The following DCAF6 variants were observed in gnomAD, a reference collection of about 807,000 sequenced individuals.
DCAF6 encodes DDB1- and CUL4-associated factor 6.
A neutral mutation model predicts 125.1 loss-of-function variants in DCAF6; 54 were observed. That is an observed-to-expected ratio of 0.43 (90% CI 0.35 to 0.54). The LOEUF (loss-of-function observed/expected upper bound fraction) is 0.54, where lower values mean the gene tolerates loss of function less well. Ranked by LOEUF, DCAF6 falls within the 20% of genes least tolerant of loss-of-function variation. The pLI is 0.01. For missense variants in DCAF6, 934 were observed against 1,161.7 expected (o/e 0.80, Z 2.85); for synonymous variants, 371 against 390.4 (o/e 0.95, Z 0.58).
In DCAF6 at chr1:167,936,935, A is replaced by G. The variant is rs747878751; in HGVS notation, c.24A>G (p.Pro8=). MSRGGSY[P]HLLWDVRKRS... ...CCATGTCTCGGGGTGGCTCCTACCCACACCTGTTGTGGGACGTGAGGAAAA... is the reference window on the plus strand; with the variant it reads ...CCATGTCTCGGGGTGGCTCCTACCCGCACCTGTTGTGGGACGTGAGGAAAA... The change falls in exon 1 of 22, where the codon CCA becomes CCG. Residue 8 remains proline (P), a synonymous_variant. Coordinates refer to ENST00000367840, the MANE Select transcript of DCAF6 (RefSeq NM_001198956.2). 1.3e-5 allele frequency: 21 copies of G among 1,606,794 alleles called. No individual in the cohort carries two copies. The South Asian group carries it at 2.3e-4, about 18-fold the overall frequency.
chr1:167,989,728 C>T (rs553736155), intron 5 of DCAF6, among the ~76,000 whole-genome samples: 11 of 152,142 alleles, frequency 7.2e-5, no homozygotes, highest in African/African-American at 2.6e-4. Flanking sequence ...ACTAAAAATA[C>T]AAAATAGCCA....
At chr1:168,065,317 GT>G (rs879159960) in intron 18 of DCAF6, among the ~76,000 whole-genome samples, 1,554 of 145,964 alleles carry the variant, frequency 0.011, 20 homozygotes, top group African/African-American at 0.036. Context: ...ATTTTTGTCA[GT>G]TTTTTTTTTT....
intron 10 of DCAF6, among the ~76,000 whole-genome samples, chr1:168,011,277 G>A (rs1429877546): frequency 6.6e-6 from 1 of 151,844 alleles, no homozygotes; most frequent in African/African-American, 2.4e-5. Flanking sequence ...CACCATGTCT[G>A]GCTAATTTTT....
intron 2 of DCAF6, among the ~76,000 whole-genome samples, chr1:167,959,579 C>G (rs1675272762): frequency 1.3e-5 from 2 of 152,140 alleles, no homozygotes; most frequent in African/African-American, 4.8e-5. Context: ...TGTCAGTGTT[C>G]TCTATTTTGG....
intron 10 of DCAF6, among the ~76,000 whole-genome samples, chr1:168,012,232 T>C (rs992985735): frequency 6.6e-6 from 1 of 152,206 alleles, no homozygotes; most frequent in Non-Finnish European, 1.5e-5. Flanking sequence ...CTGTATGTAT[T>C]GTAGAGGCAG....
At chr1:167,937,160 G>T in intron 1 of DCAF6, 152 bp downstream of exon 1, 1 of 648,672 alleles carries the variant, frequency 1.5e-6, no homozygotes, top group African/African-American at 1.9e-5. Context: ...GCCGAATTCC[G>T]TGCCGGTGCC....
chr1:168,063,263 G>A (rs1691840213), intron 17 of DCAF6, among the ~76,000 whole-genome samples: 1 of 152,074 alleles, frequency 6.6e-6, no homozygotes, highest in Non-Finnish European at 1.5e-5. Flanking sequence ...TGGAGAAGAG[G>A]GGAAAGAACA....
intron 2 of DCAF6, among the ~76,000 whole-genome samples, chr1:167,955,953 G>T (rs999395148): frequency 6.6e-6 from 1 of 152,104 alleles, no homozygotes; most frequent in African/African-American, 2.4e-5. Context: ...TAGAGGTGGG[G>T]TCTCATTATG....
At chr1:168,033,983 T>TAA (rs1687479279) in intron 12 of DCAF6, among the ~76,000 whole-genome samples, 1 of 152,214 alleles carries the variant, frequency 6.6e-6, no homozygotes, top group East Asian at 1.9e-4. Context: ...GTCTCTTAAG[T>TAA]GCCCTAAAAG....
the DCAF6 span, among the ~76,000 whole-genome samples, chr1:167,895,382 C>A: frequency 6.6e-6 from 1 of 152,098 alleles, no homozygotes; most frequent in Non-Finnish European, 1.5e-5. Flanking sequence ...TTTGTACAGT[C>A]TCCCCACTCC....
At chr1:167,896,460 T>C in the DCAF6 span, 1 of 768,016 alleles carries the variant, frequency 1.3e-6, no homozygotes, top group East Asian at 2.5e-5. Flanking sequence ...GGGAAGTAGG[T>C]CCCCTTTGTG....
intron 1 of DCAF6, among the ~76,000 whole-genome samples, chr1:167,944,372 A>G (rs941520752): frequency 9.2e-5 from 14 of 152,154 alleles, no homozygotes; most frequent in Admixed American, 8.5e-4. Context: ...TCTATTTTTA[A>G]TTCTTGGAGA....
intron 1 of DCAF6, among the ~76,000 whole-genome samples, chr1:167,943,131 G>C (rs888360867): frequency 2.6e-5 from 4 of 152,108 alleles, no homozygotes; most frequent in African/African-American, 9.7e-5. Context: ...GGATGGTCTC[G>C]ATCTCCTGAC....
intron 3 of DCAF6, among the ~76,000 whole-genome samples, chr1:167,967,714 CTTTTTTTTTT>C (rs552208317): frequency 9.4e-5 from 7 of 74,554 alleles, no homozygotes; most frequent in Non-Finnish European, 1.7e-4. Flanking sequence ...TTTCCTGTAT[CTTTTTTTTTT>C]TTTTTTTTTT....
At chr1:167,952,392 G>A (rs1350036119) in intron 2 of DCAF6, among the ~76,000 whole-genome samples, 1 of 151,772 alleles carries the variant, frequency 6.6e-6, no homozygotes, top group Non-Finnish European at 1.5e-5. Context: ...TAATTTTTTT[G>A]TATTTTTTAG....
At chr1:167,933,625 A>C (rs144222701), upstream of DCAF6, among the ~76,000 whole-genome samples, 482 of 152,360 alleles carry the variant, frequency 3.2e-3, 7 homozygotes, top group African/African-American at 0.011. Flanking sequence ...AAAATGTTTC[A>C]ATGACAATTC....
At chr1:167,865,080 T>G in the DCAF6 span, among the ~76,000 whole-genome samples, 3 of 152,178 alleles carry the variant, frequency 2.0e-5, no homozygotes, top group Admixed American at 1.3e-4. Context: ...ATAAAAAATT[T>G]ATGCAAAAAA....
In DCAF6 at chr1:167,966,665, A is replaced by G. The variant is rs1355507060; in HGVS notation, c.196A>G (p.Ile66Val). The G allele has an allele frequency of 6.2e-7, 1 of 1,605,868 alleles. No homozygotes were observed. The highest frequency in any genetic ancestry group is 1.1e-5 in the South Asian group (1 of 90,626). ...CTGTTGGAATGACACTGGAGAATAT[A>G]TTTTATCTGGCTCAGATGACACCAA... is the stretch of plus-strand genomic sequence containing the variant. ...TICWNDTGEY[I>V]LSGSDDTKLV... Residue 66 changes from isoleucine (I) to valine (V), a missense_variant, in exon 3 of 22, where the codon ATT becomes GTT. Ile to Val is a conservative substitution (Grantham distance 29, BLOSUM62 3). This residue lies in a region of DCAF6 where 309 missense variants were observed against 381.2 expected (regional missense o/e 0.81). Transcript: ENST00000367840.
chr1:168,023,110 A>G (rs1354807445), intron 12 of DCAF6, 63 bp downstream of exon 12: 35 of 1,472,742 alleles, frequency 2.4e-5, no homozygotes, highest in Middle Eastern at 3.4e-4. Flanking sequence ...TGCATATACT[A>G]AGCTCTCTCA....
Sources: gnomAD v4.1 joint callset for allele counts (sites outside exome capture counted in the v4.1 genomes callset) on GRCh38, gnomAD v4.1.1 for gene constraint, gnomAD v4.1.1 regional missense constraint, MANE v1.5 for transcripts, NCBI Gene and HGNC (gene_info 2026-07-23, HGNC 2026-07-21) for gene names.